The following POLE variants were observed in gnomAD, a reference collection of about 807,000 sequenced individuals.
The protein encoded by POLE is DNA polymerase epsilon, catalytic subunit, also known as DNA polymerase epsilon catalytic subunit A.
POLE carries 188 observed loss-of-function variants against 279.2 expected under a neutral mutation model. The ratio of observed to expected loss-of-function variants is 0.67; its 90% CI spans 0.60 to 0.76. The LOEUF is 0.76. Ranked by LOEUF, POLE falls within the 30% of genes least tolerant of loss-of-function variation. The probability of loss-of-function intolerance (pLI) is 0.00; values close to 1 mark genes in which losing one functional copy is unlikely to be tolerated. For missense variants in POLE, 2,703 were observed against 3,016.7 expected, an observed-to-expected ratio of 0.90 and a Z score of 2.44; for synonymous variants, 1,214 against 1,172.5, an observed-to-expected ratio of 1.04 and a Z score of -0.72.
At chr12:132,655,524 T>C (rs557198996) in intron 29 of POLE, among the ~76,000 whole-genome samples, 1 of 152,356 alleles carries the variant, frequency 6.6e-6, no homozygotes, top group Non-Finnish European at 1.5e-5. Context: ...ATTCCAAACA[T>C]ATTTTTGCTG....
intron 45 of POLE, among the ~76,000 whole-genome samples, chr12:132,628,597 C>T (rs903714517): frequency 8.0e-5 from 12 of 150,470 alleles, no homozygotes; most frequent in Non-Finnish European, 1.2e-4. Flanking sequence ...GAGCCAAGAC[C>T]GCACCACTGT....
chr12:132,654,729 C>G (rs116680890), intron 29 of POLE, among the ~76,000 whole-genome samples: 2,058 of 152,238 alleles, frequency 0.014, 54 homozygotes, highest in African/African-American at 0.046. Flanking sequence ...GAGGTCAAGG[C>G]TGCAGTGAGC....
At chr12:132,686,176 C>T (rs2043259910) in intron 1 of POLE, among the ~76,000 whole-genome samples, 1 of 152,068 alleles carries the variant, frequency 6.6e-6, no homozygotes, top group Non-Finnish European at 1.5e-5. Context: ...CGCGCCGGGC[C>T]TCATCCGTTT....
intron 43 of POLE, 184 bp from the exon 44 acceptor site, chr12:132,632,979 A>C: frequency 1.6e-6 from 1 of 621,828 alleles, no homozygotes; most frequent in Non-Finnish European, 2.7e-6. Context: ...TGGAAATGAG[A>C]AGGAACACTC....
At position 132,668,957 on chromosome 12, in the gene POLE, C is replaced by T. The variant is rs777574402; in HGVS notation, c.1795-18G>A. On this transcript the variant is annotated intron_variant, in intron 16 of 48. Transcript: ENST00000320574. The surrounding 1 kb of genome is among the most constrained non-coding windows in gnomAD (Gnocchi z 4.0). ...TCACACACCTGCAGAGAAAGCGAAA[C>T]TCAGTAGAGGCTGGTGACCAAGCTT... The T allele has an allele frequency of 5.0e-6, 8 of 1,612,012 alleles. No homozygotes were observed. In the East Asian group the frequency reaches 6.7e-5, roughly 13 times the overall value.
chr12:132,664,697 G>A lies in POLE; in HGVS notation c.2469-235C>T, dbSNP rs1016243935. The stretch of plus-strand genomic sequence containing the variant: ...GGAAGGGTGCAGTATGTGCCACTGC[G>A]TCCAGCCGTTCAGGACTCCAGCCTC... On this transcript the variant is annotated intron_variant, in intron 21 of 48. Transcript: ENST00000320574. This position sits in a 1 kb window ranked among gnomAD's most constrained non-coding sequence, Gnocchi z 5.3. 5.3e-5 allele frequency among the ~76,000 whole-genome samples: 8 copies of A among 152,118 alleles called. No homozygotes were observed. The highest frequency in any genetic ancestry group is 1.2e-4 in the African/African-American group (5 of 41,416).
chr12:132,686,927 G>C (rs1472391231), intron 1 of POLE, among the ~76,000 whole-genome samples: 2 of 137,506 alleles, frequency 1.5e-5, no homozygotes, highest in Admixed American at 1.5e-4. Context: ...CCCGGGTCCC[G>C]CCGCTCTCAT....
rs2043060448 is a variant in POLE, at chr12:132,676,644, C to T, written c.811G>A (p.Val271Ile). ...DDLVERPDPV[V>I]LAFDIETTKL... ...GTCGTCTCAATGTCAAATGCCAAAA[C>T]CACAGGGTCCTGTGGGGACAAAATA... Residue 271 changes from valine (V) to isoleucine (I), a missense_variant, in exon 9 of 49, where the codon GTT becomes ATT. By Grantham distance (29) the Val-to-Ile change is conservative. Coordinates refer to ENST00000320574, the MANE Select transcript of POLE (RefSeq NM_006231.4). The T allele has an allele frequency of 1.9e-6, 3 of 1,611,086 alleles. No individual in the cohort carries two copies. Among genetic ancestry groups the T allele is most frequent in the African/African-American group, 2.7e-5 (2 of 74,834 alleles).
intron 6 of POLE, 118 bp downstream of exon 6, chr12:132,679,379 A>C (rs2136026524): frequency 1.0e-6 from 1 of 991,242 alleles, no homozygotes; most frequent in East Asian, 2.4e-5. Context: ...TAATTGCTCA[A>C]GTTTTCCGTA....
chr12:132,651,067 G>C (rs1186729925), intron 29 of POLE: 1 of 151,792 alleles, frequency 6.6e-6, no homozygotes, highest in Non-Finnish European at 1.5e-5. Flanking sequence ...GTAAAGATGG[G>C]GTTTCACCAT....
intron 31 of POLE, 92 bp from the exon 32 acceptor site, chr12:132,649,164 A>G (rs909437655): frequency 6.6e-7 from 1 of 1,525,918 alleles, no homozygotes; most frequent in Non-Finnish European, 8.9e-7. Flanking sequence ...CTCCCAGCAC[A>G]GGGCCTTAGG....
rs2136030920 is a variant in POLE at position 132,680,615 on chromosome 12, T to C, written c.277A>G (p.Arg93Gly). Residue 93 changes from arginine (R) to glycine (G), a missense_variant, in exon 3 of 49, where the codon AGA (arginine) becomes GGA (glycine). Physicochemically the swap from Arg to Gly is moderately radical, Grantham distance 125. Around this residue, in one of 5 missense-constraint regions of POLE, gnomAD observed 1,011 missense variants for 1,111.7 expected, o/e 0.91. Transcript: ENST00000320574. ...DYYFIQDDGS[R>G]FKVALPYKPY... ...CGCAGTCAGGGGCTTACCTTAAATC[T>C]GCTTCCGTCATCTTGAATAAAGTAG... 6 of 1,613,370 alleles carry C rather than the reference T, an allele frequency of 3.7e-6. No individual in the cohort carries two copies. The highest frequency in any genetic ancestry group is 1.1e-5 in the South Asian group (1 of 91,064).
In POLE at chr12:132,659,449, G is replaced by A. The variant is rs762140272; in HGVS notation, c.3121C>T (p.Arg1041Trp). The part of the protein sequence containing the change: ...ELISENRSMS[R>W]KLEDYGEQKS... The stretch of plus-strand genomic sequence containing the variant: ...TGCTCCCCGTAATCTTCCAGCTTCC[G>A]AGACATGGAACGGTTCTCAGAGATG... Residue 1041 changes from arginine to tryptophan, a missense_variant, in exon 26 of 49, where the codon CGG (arginine) becomes TGG (tryptophan). Physicochemically the swap from Arg to Trp is moderately radical, Grantham distance 101. This residue lies in a region of POLE where 1,551 missense variants were observed against 1,686.1 expected (regional missense o/e 0.92). Coordinates refer to ENST00000320574, the MANE Select transcript of POLE (RefSeq NM_006231.4). 6 of 1,614,086 alleles carry A rather than the reference G, an allele frequency of 3.7e-6. No homozygotes were observed. The highest frequency in any genetic ancestry group is 2.2e-5 in the East Asian group (1 of 44,902).
chr12:132,632,224 C>T lies in POLE; in HGVS notation c.6330+91G>A, dbSNP rs75076353. On this transcript the variant is annotated intron_variant, in intron 45 of 48. Transcript: ENST00000320574. ...CATACGCTAGCACGTTCATGGTGCA[C>T]GCATTACAGCCTCACCTTGCACACA... is the stretch of plus-strand genomic sequence containing the variant. 1,315 of 971,040 alleles carry T rather than the reference C, an allele frequency of 1.4e-3. 4 individuals carry two copies. The highest frequency in any genetic ancestry group is 1.7e-3 in the Non-Finnish European group (1,054 of 627,870). The allele number at this position is 971,040 out of a possible 1,614,324, so 60.2% of individuals were successfully genotyped here.
intron 16 of POLE, among the ~76,000 whole-genome samples, chr12:132,671,930 A>C (rs144758794): frequency 1.0e-3 from 155 of 152,346 alleles, no homozygotes; most frequent in Non-Finnish European, 2.0e-3. Flanking sequence ...CTATAAAATA[A>C]AGTCCTAATG....
intron 12 of POLE, among the ~76,000 whole-genome samples, chr12:132,674,748 G>A (rs888142017): frequency 2.0e-5 from 3 of 152,136 alleles, no homozygotes; most frequent in African/African-American, 4.8e-5. Context: ...AAACAGAAAC[G>A]CATTCAGGCT....
At chr12:132,659,971 G>A (rs767879059) in intron 25 of POLE, 3 of 176,348 alleles carry the variant, frequency 1.7e-5, no homozygotes, top group South Asian at 2.5e-4. Context: ...GATTACAGGC[G>A]TGAGCCACCA....
In POLE at chr12:132,642,889, G is replaced by A. The variant is rs767021717; in HGVS notation, c.4659C>T (p.Phe1553=). 10 of 1,613,714 alleles carry A rather than the reference G, an allele frequency of 6.2e-6. No homozygotes were observed. The highest frequency in any genetic ancestry group is 2.2e-5 in the East Asian group (1 of 44,898). The change falls in exon 36 of 49, where the codon TTC becomes TTT. Residue 1553 remains phenylalanine (F), a synonymous_variant. Coordinates refer to ENST00000320574, the MANE Select transcript of POLE (RefSeq NM_006231.4). ...PELLPPPKHT[F]EVRAETDLKT... ...TCAGGTCAGTTTCTGCCCGAACTTC[G>A]AAGGTGTGTTTGGGGGGTGGCAGGA...
intron 29 of POLE, among the ~76,000 whole-genome samples, chr12:132,651,846 C>G (rs552526759): frequency 6.6e-6 from 1 of 152,236 alleles, no homozygotes; most frequent in East Asian, 1.9e-4. Flanking sequence ...CCGAGTCCTG[C>G]CATCCCCATG....
Sources: allele counts gnomAD v4.1 joint callset (sites outside exome capture counted in the v4.1 genomes callset), GRCh38; gene constraint gnomAD v4.1.1; regional missense constraint gnomAD v4.1.1; non-coding constraint Gnocchi (gnomAD v3.1); transcripts MANE v1.5; gene names NCBI Gene and HGNC (gene_info 2026-07-23, HGNC 2026-07-21).